Variants in CNTN5 observed in about 807,000 individuals in gnomAD.
CNTN5 encodes the protein contactin 5.
In CNTN5, 77 loss-of-function variants were observed where a neutral mutation model predicts 129.1. The observed-to-expected ratio is 0.60, with a 90% CI of 0.50 to 0.72. The LOEUF is 0.72. Among genes scored for constraint, CNTN5 ranks in the 30% least tolerant of loss-of-function variants. The pLI, the probability that CNTN5 is intolerant of heterozygous loss-of-function variation, is 0.00. For synonymous variants in CNTN5, 509 were observed against 465.6 expected, an observed-to-expected ratio of 1.09 and a Z score of -1.20; for missense variants, 1,478 against 1,328.8, an observed-to-expected ratio of 1.11 and a Z score of -1.75.
At chr11:100,016,632 A>T (rs964192707) in intron 9 of CNTN5, among the ~76,000 whole-genome samples, 6 of 151,746 alleles carry the variant, frequency 4.0e-5, no homozygotes, top group African/African-American at 1.5e-4. Flanking sequence ...TTGATTTTTG[A>T]TGGTAGAGCC....
At chr11:99,726,546 C>G (rs949842680) in intron 3 of CNTN5, among the ~76,000 whole-genome samples, 3 of 152,124 alleles carry the variant, frequency 2.0e-5, no homozygotes, top group Non-Finnish European at 4.4e-5. Flanking sequence ...ATAATAATCG[C>G]TGACACTTAT....
intron 3 of CNTN5, among the ~76,000 whole-genome samples, chr11:99,779,268 G>A (rs985256976): frequency 1.3e-5 from 2 of 151,922 alleles, no homozygotes; most frequent in Non-Finnish European, 2.9e-5. Flanking sequence ...ATAATTAAAT[G>A]TATAACTCTC....
rs149346530 is a variant in CNTN5 at position 99,722,962 on chromosome 11, T to C, written c.56-96582T>C. Among the ~76,000 whole-genome samples, 286 of 152,232 alleles carry C rather than the reference T, an allele frequency of 1.9e-3. 1 individual carries two copies. Among genetic ancestry groups the C allele is most frequent in the African/African-American group, 6.6e-3 (274 of 41,560 alleles). Reference sequence around the variant, plus strand: ...TTCCATTGTCACTTCATAGATGTTGTCATTACCAATAAGTTAAACCAGTTT... The same window carrying C: ...TTCCATTGTCACTTCATAGATGTTGCCATTACCAATAAGTTAAACCAGTTT... On this transcript the variant is annotated intron_variant, in intron 3 of 24. Transcript: ENST00000524871.
At chr11:100,315,131 A>C (rs1025489073) in intron 21 of CNTN5, among the ~76,000 whole-genome samples, 25 of 152,090 alleles carry the variant, frequency 1.6e-4, no homozygotes, top group African/African-American at 5.6e-4. Flanking sequence ...TGGTTTTGAT[A>C]ATCTTTTCCC....
intron 9 of CNTN5, among the ~76,000 whole-genome samples, chr11:100,036,576 G>A (rs1407179555): frequency 1.2e-4 from 18 of 145,700 alleles, no homozygotes; most frequent in Non-Finnish European, 1.7e-4. Context: ...CCATTTTCAT[G>A]ATATTGATTC....
At chr11:99,103,044 A>T (rs917856755) in intron 1 of CNTN5, among the ~76,000 whole-genome samples, 1 of 152,160 alleles carries the variant, frequency 6.6e-6, no homozygotes, top group African/African-American at 2.4e-5. Flanking sequence ...CAGGCAAGAG[A>T]GAGGAGAACC....
chr11:99,585,795 A>C (rs1343577676), intron 3 of CNTN5, among the ~76,000 whole-genome samples: 1 of 152,178 alleles, frequency 6.6e-6, no homozygotes, highest in East Asian at 1.9e-4. Context: ...GAGCATGGAG[A>C]TAATATCTGA....
intron 3 of CNTN5, among the ~76,000 whole-genome samples, chr11:99,781,658 C>T (rs1268558198): frequency 6.6e-6 from 1 of 151,980 alleles, no homozygotes; most frequent in South Asian, 2.1e-4. Flanking sequence ...ACTCAATGAA[C>T]AATTATGGGT....
chr11:99,673,223 A>G (rs1248282043), intron 3 of CNTN5, among the ~76,000 whole-genome samples: 5 of 152,202 alleles, frequency 3.3e-5, no homozygotes, highest in Non-Finnish European at 5.9e-5. Context: ...CAAGCTTTCG[A>G]CAGACAGCTG....
At chr11:99,905,868 A>T (rs1012421022) in intron 6 of CNTN5, among the ~76,000 whole-genome samples, 9 of 151,930 alleles carry the variant, frequency 5.9e-5, no homozygotes, top group African/African-American at 2.2e-4. Context: ...CCCTTGTGAG[A>T]TATGTTCCTA....
chr11:100,089,445 T>C (rs1944671522), intron 13 of CNTN5, among the ~76,000 whole-genome samples: 1 of 152,130 alleles, frequency 6.6e-6, no homozygotes, highest in African/African-American at 2.4e-5. Context: ...GGAAACACTT[T>C]TACACTCTTG....
At chr11:99,659,593 G>T (rs1952521318) in intron 3 of CNTN5, among the ~76,000 whole-genome samples, 1 of 152,108 alleles carries the variant, frequency 6.6e-6, no homozygotes, top group Non-Finnish European at 1.5e-5. Flanking sequence ...GGAGTAGGCT[G>T]GCAGGCTAGA....
At chr11:100,022,373 C>A (rs1201599068) in intron 9 of CNTN5, among the ~76,000 whole-genome samples, 1 of 152,152 alleles carries the variant, frequency 6.6e-6, no homozygotes, top group Non-Finnish European at 1.5e-5. Context: ...TAGCATCCTG[C>A]TATTTGCTTT....
chr11:99,583,507 C>G (rs1286090180), intron 3 of CNTN5, among the ~76,000 whole-genome samples: 1 of 152,216 alleles, frequency 6.6e-6, no homozygotes, highest in African/African-American at 2.4e-5. Context: ...TGTTTACCTA[C>G]TCAAGCCTGA....
chr11:99,693,585 T>C (rs547907516), intron 3 of CNTN5, among the ~76,000 whole-genome samples: 46 of 151,956 alleles, frequency 3.0e-4, no homozygotes, highest in African/African-American at 1.1e-3. Flanking sequence ...GATAGAGTAA[T>C]GGACAGTAGA....
At chr11:99,324,367 C>T (rs569752161) in intron 1 of CNTN5, among the ~76,000 whole-genome samples, 21 of 152,168 alleles carry the variant, frequency 1.4e-4, no homozygotes, top group Admixed American at 8.5e-4. Flanking sequence ...AGCATAAATG[C>T]TCTATAAACA....
At chr11:99,473,615 G>A (rs1353488158) in intron 2 of CNTN5, among the ~76,000 whole-genome samples, 2 of 151,384 alleles carry the variant, frequency 1.3e-5, no homozygotes, top group Non-Finnish European at 2.9e-5. Context: ...TGAGATTTAT[G>A]TGTCCAACAC....
chr11:100,308,336 G>A lies in CNTN5; in HGVS notation c.2621-23G>A, dbSNP rs769621647. 9 of 1,597,850 alleles carry A rather than the reference G, an allele frequency of 5.6e-6. No individual in the cohort carries two copies. In the South Asian group the frequency reaches 7.9e-5, roughly 14 times the overall value. On this transcript the variant is annotated intron_variant, in intron 20 of 24. Transcript: ENST00000524871. The stretch of plus-strand genomic sequence containing the variant: ...TGATGGACATAAACTTTTTATAATT[G>A]TGGTTTATTTTCCTTCATACAGAAC...
Position 99,102,300 on chromosome 11 carries a change from A to G in CNTN5, c.-210+81030A>G, listed in dbSNP as rs546598696. ...AAGGTCTCTGACATGCCCTGGAGAC[A>G]TTTTCCCCATTGTCTTGGCAATTAA... On this transcript the variant is annotated intron_variant, in intron 1 of 24. Transcript: ENST00000524871. Among the ~76,000 whole-genome samples the G allele has an allele frequency of 3.3e-5, 5 of 152,142 alleles. No homozygotes were observed. The East Asian group carries it at 9.7e-4, about 30-fold the overall frequency.
Sources: gnomAD v4.1 joint callset for allele counts (sites outside exome capture counted in the v4.1 genomes callset) on GRCh38, gnomAD v4.1.1 for gene constraint, MANE v1.5 for transcripts, NCBI Gene and HGNC (gene_info 2026-07-23, HGNC 2026-07-21) for gene names.